The following FOXN3 variants were observed in gnomAD, a reference collection of about 807,000 sequenced individuals.
FOXN3 encodes the protein forkhead box protein N3.
Under a neutral mutation model 38.4 loss-of-function variants are expected in FOXN3, and 7 were observed. That is an observed-to-expected ratio of 0.18 (90% CI 0.10 to 0.34). The LOEUF (loss-of-function observed/expected upper bound fraction) is 0.34, where lower values mean the gene tolerates loss of function less well. FOXN3 is among the 10% of genes least tolerant of loss of function. The pLI is 1.00. For missense variants in FOXN3, 456 were observed against 613.4 expected (o/e 0.74, Z 2.71); for synonymous variants, 230 against 242.2 (o/e 0.95, Z 0.47).
intron 3 of FOXN3, among the ~76,000 whole-genome samples, chr14:89,329,855 C>CAAAAAAAAAAAAAAAAAAA (rs57791098): frequency 5.0e-5 from 3 of 59,868 alleles, no homozygotes; most frequent in Admixed American, 2.5e-4. Context: ...GACTCAGTCT[C>CAAAAAAAAAAAAAAAAAAA]AAAAAAAAAA....
chr14:89,196,348 AG>A (rs1461050431), intron 4 of FOXN3, among the ~76,000 whole-genome samples: 1 of 152,194 alleles, frequency 6.6e-6, no homozygotes, highest in Non-Finnish European at 1.5e-5. Flanking sequence ...CTCCGTGGAC[AG>A]GACGGGAAAA....
At chr14:89,293,274 G>A (rs1018488095) in intron 3 of FOXN3, among the ~76,000 whole-genome samples, 1 of 152,204 alleles carries the variant, frequency 6.6e-6, no homozygotes, top group Non-Finnish European at 1.5e-5. Context: ...AGTTCCCAGG[G>A]CACGCTCTCC....
chr14:89,421,141 CTTTCT>C (rs538785813), upstream of FOXN3, among the ~76,000 whole-genome samples: 1,238 of 123,958 alleles, frequency 1.0e-2, 10 homozygotes, highest in African/African-American at 0.033. Context: ...TATTTTCTTT[CTTTCT>C]TTTTTTTTTT....
intron 3 of FOXN3, among the ~76,000 whole-genome samples, chr14:89,286,867 G>C (rs1886644511): frequency 6.6e-6 from 1 of 152,116 alleles, no homozygotes. Context: ...TGAAAGTTCA[G>C]ATTCTCGGGG....
chr14:89,331,486 CT>C (rs11295763), intron 3 of FOXN3, among the ~76,000 whole-genome samples: 76,324 of 151,984 alleles, frequency 0.5, 20,802 homozygotes, highest in Admixed American at 0.65. Context: ...CTGAGTGTTG[CT>C]TTTTAAACAG....
intron 1 of FOXN3, among the ~76,000 whole-genome samples, chr14:89,555,027 G>C (rs182025935): frequency 2.1e-4 from 32 of 151,980 alleles, no homozygotes; most frequent in South Asian, 1.2e-3. Flanking sequence ...CTGACCTCAG[G>C]TGATCCACCC....
intron 2 of FOXN3, among the ~76,000 whole-genome samples, chr14:89,369,255 G>A (rs920173246): frequency 1.3e-5 from 2 of 152,184 alleles, no homozygotes; most frequent in Non-Finnish European, 2.9e-5. Flanking sequence ...TTATACTGCT[G>A]AGTCACCTGG....
intron 4 of FOXN3, among the ~76,000 whole-genome samples, chr14:89,249,985 G>T (rs988134259): frequency 1.2e-4 from 18 of 152,184 alleles, no homozygotes; most frequent in African/African-American, 4.3e-4. Flanking sequence ...TGGGTGCCTG[G>T]GCAGAGCTGA....
At chr14:89,569,022 G>GA (rs1895430290) in intron 1 of FOXN3, among the ~76,000 whole-genome samples, 1 of 152,172 alleles carries the variant, frequency 6.6e-6, no homozygotes, top group Non-Finnish European at 1.5e-5. Context: ...GGCTAACACG[G>GA]TGAAACCCCA....
intron 1 of FOXN3, among the ~76,000 whole-genome samples, chr14:89,546,329 C>CTTTTTTTTTT (rs1157998619): frequency 0.24 from 18,421 of 76,238 alleles, 3,458 homozygotes; most frequent in Non-Finnish European, 0.34. Flanking sequence ...TTTCCTTTTT[C>CTTTTTTTTTT]TTTTTTTTTT....
chr14:89,252,654 C>CAAAA (rs397827971), intron 4 of FOXN3, among the ~76,000 whole-genome samples: 2 of 93,952 alleles, frequency 2.1e-5, no homozygotes, highest in Non-Finnish European at 4.3e-5. Flanking sequence ...AACTCTATCT[C>CAAAA]AAAAAAAAAA....
At chr14:89,366,318 C>T (rs1175689182) in intron 2 of FOXN3, among the ~76,000 whole-genome samples, 1 of 151,974 alleles carries the variant, frequency 6.6e-6, no homozygotes, top group Admixed American at 6.6e-5. Context: ...GTTTTGTCTC[C>T]TGATAGGAAA....
At chr14:89,303,351 ATGC>A (rs1383605110) in intron 3 of FOXN3, among the ~76,000 whole-genome samples, 2 of 152,050 alleles carry the variant, frequency 1.3e-5, no homozygotes, top group Non-Finnish European at 2.9e-5. Context: ...TATCTGTCTT[ATGC>A]TGTCTCCTTT....
At chr14:89,204,382 A>G (rs1888323076) in intron 4 of FOXN3, among the ~76,000 whole-genome samples, 1 of 152,174 alleles carries the variant, frequency 6.6e-6, no homozygotes, top group African/African-American at 2.4e-5. Context: ...TTCTCACAGC[A>G]GGTCTCATGG....
chr14:89,328,911 C>G (rs1306737359), intron 3 of FOXN3, among the ~76,000 whole-genome samples: 1 of 152,172 alleles, frequency 6.6e-6, no homozygotes. Context: ...AATAAGCTGC[C>G]TATGTCATTC....
intron 2 of FOXN3, among the ~76,000 whole-genome samples, chr14:89,358,198 C>T (rs1464709855): frequency 6.6e-6 from 1 of 152,196 alleles, no homozygotes; most frequent in Non-Finnish European, 1.5e-5. Context: ...AACAGATAAA[C>T]GTGGCTGGGC....
chr14:89,402,113 A>G (rs575471395), intron 2 of FOXN3, among the ~76,000 whole-genome samples: 2 of 152,308 alleles, frequency 1.3e-5, no homozygotes, highest in African/African-American at 4.8e-5. Flanking sequence ...TCTATCTTCA[A>G]CCATCTATTT....
chr14:89,411,850 G>T, intron 2 of FOXN3, 84 bp downstream of exon 2: 1 of 886,776 alleles, frequency 1.1e-6, no homozygotes, highest in Non-Finnish European at 1.6e-6. Context: ...TCAATGTGGT[G>T]AATAGAAATT....
In FOXN3 at chr14:89,548,569, C is replaced by T. The variant is rs1894930841; in HGVS notation, c.-15+70459G>A. On this transcript the variant is annotated intron_variant, in intron 1 of 6. Transcript: ENST00000345097. The surrounding 1 kb of genome is among the most constrained non-coding windows in gnomAD (Gnocchi z 4.8). ...TTAAGACTAATTTATGTTTCAAAGG[C>T]ATACACTAACTAATCGTATGGGATA... Among the ~76,000 whole-genome samples, 1 of 152,138 alleles carries T rather than the reference C, an allele frequency of 6.6e-6. No individual in the cohort carries two copies. The highest frequency in any genetic ancestry group is 1.5e-5 in the Non-Finnish European group (1 of 68,026).
Sources: gnomAD v4.1 joint callset for allele counts (sites outside exome capture counted in the v4.1 genomes callset) on GRCh38, gnomAD v4.1.1 for gene constraint, Gnocchi (gnomAD v3.1) non-coding constraint, MANE v1.5 for transcripts, NCBI Gene and HGNC (gene_info 2026-07-23, HGNC 2026-07-21) for gene names.